Variants in EPC1 observed in about 807,000 individuals in gnomAD.
The protein encoded by EPC1 is enhancer of polycomb homolog 1.
EPC1 carries 12 observed loss-of-function variants against 98.4 expected under a neutral mutation model. The ratio of observed to expected loss-of-function variants is 0.12; its 90% confidence interval spans 0.08 to 0.20. EPC1 has a LOEUF of 0.20. EPC1 is among the 10% of genes least tolerant of loss of function. EPC1 has a pLI of 1.00. For missense variants in EPC1, 729 were observed against 990.5 expected (o/e 0.74, Z 3.54); for synonymous variants, 357 against 363.9 (o/e 0.98, Z 0.21).
intron 1 of EPC1, chr10:32,346,438 C>T (rs1350987525): frequency 2.4e-5 from 6 of 246,780 alleles, no homozygotes; most frequent in African/African-American, 9.2e-5. Context: ...TCCGGATGCA[C>T]AAGGCCCAAC....
Position 32,271,703 on chromosome 10 carries a change from A to T in EPC1, c.2220T>A (p.Val740=), listed in dbSNP as rs375756669. ...TTGGGGCAATAGAGTTTACAGTGGC[A>T]ACTGATGAAGGTACAGTTAATCGAA... is the stretch of plus-strand genomic sequence containing the variant. ...NNIRLTVPSS[V]ATVNSIAPIN... is the part of the protein sequence containing the mutation. The change falls in exon 13 of 14, where the codon GTT becomes GTA. Residue 740 remains valine, a synonymous_variant. Transcript: ENST00000319778. 1.2e-6 allele frequency: 2 copies of T among 1,614,124 alleles called. No individual in the cohort carries two copies. The highest frequency in any genetic ancestry group is 2.7e-5 in the African/African-American group (2 of 74,938).
chr10:32,271,927 A>C lies in EPC1; in HGVS notation c.2006-10T>G. On this transcript the variant is annotated splice_polypyrimidine_tract_variant and intron_variant, in intron 12 of 13. Transcript: ENST00000319778. ...AAGCCCTTGTATACTCCTAGAGAGA[A>C]AAAGAAAGAAACATCTAAACAATGT... 6.2e-7 allele frequency: 1 copy of C among 1,606,264 alleles called. No individual in the cohort carries two copies. Among genetic ancestry groups the C allele is most frequent in the Non-Finnish European group, 8.5e-7 (1 of 1,176,594 alleles).
At chr10:32,331,794 A>G (rs1837656826) in intron 1 of EPC1, among the ~76,000 whole-genome samples, 1 of 152,214 alleles carries the variant, frequency 6.6e-6, no homozygotes, top group Non-Finnish European at 1.5e-5. Flanking sequence ...TTTGATGAGT[A>G]AGTCATCTCA....
At chr10:32,369,561 C>G (rs111786201) in intron 1 of EPC1, among the ~76,000 whole-genome samples, 1 of 152,024 alleles carries the variant, frequency 6.6e-6, no homozygotes, top group Non-Finnish European at 1.5e-5. Flanking sequence ...AGACAACACC[C>G]CAAATTGTTT....
chr10:32,321,448 G>A (rs1383024457), intron 1 of EPC1, among the ~76,000 whole-genome samples: 2 of 151,716 alleles, frequency 1.3e-5, no homozygotes, highest in East Asian at 3.9e-4. Flanking sequence ...CCAAAATCCT[G>A]GACAAGTGAT....
At chr10:32,278,053 C>T (rs137960462) in intron 10 of EPC1, among the ~76,000 whole-genome samples, 9 of 151,966 alleles carry the variant, frequency 5.9e-5, no homozygotes, top group Non-Finnish European at 8.8e-5. Context: ...AACATTCAGC[C>T]GTGAAAGATG....
At position 32,346,872 on chromosome 10, in the gene EPC1, T is replaced by C. The variant is rs942096896; in HGVS notation, c.44A>G (p.Lys15Arg). The change falls in exon 1 of 14, where the codon AAG becomes AGG. Residue 15 changes from lysine (K) to arginine (R), a missense_variant. By Grantham distance (26) the Lys-to-Arg change is conservative (BLOSUM62 2). This residue lies in a region of EPC1 where 46 missense variants were observed against 119.7 expected (regional missense o/e 0.38). Coordinates refer to ENST00000319778, the MANE Select transcript of EPC1 (RefSeq NM_001272004.3). ...SFRARALDAS[K>R]PLPVFRCEDL... ...CTCACAGCGGAAAACCGGCAGCGGCTTCGAGGCGTCTAGCGCCCGCGCCCG... is the reference window on the plus strand; with the variant it reads ...CTCACAGCGGAAAACCGGCAGCGGCCTCGAGGCGTCTAGCGCCCGCGCCCG... 3 of 1,614,024 alleles carry C rather than the reference T, an allele frequency of 1.9e-6. No individual in the cohort carries two copies. Among genetic ancestry groups the C allele is most frequent in the African/African-American group, 2.7e-5 (2 of 74,938 alleles).
At chr10:32,363,444 T>C (rs1839501469) in intron 1 of EPC1, among the ~76,000 whole-genome samples, 1 of 106,876 alleles carries the variant, frequency 9.4e-6, no homozygotes, top group Admixed American at 9.1e-5. Flanking sequence ...CAGTTGCCCC[T>C]GAGTATCCTG....
At chr10:32,272,843 TTAA>T (rs1835905113) in intron 11 of EPC1, among the ~76,000 whole-genome samples, 1 of 152,212 alleles carries the variant, frequency 6.6e-6, no homozygotes, top group Non-Finnish European at 1.5e-5. Context: ...GTTAAAAGCC[TTAA>T]TAATAATTAA....
chr10:32,278,105 G>T (rs1232486977), intron 10 of EPC1, among the ~76,000 whole-genome samples: 2 of 151,798 alleles, frequency 1.3e-5, no homozygotes, highest in Non-Finnish European at 2.9e-5. Flanking sequence ...TTTTTGAGAG[G>T]GAGTCTCGCT....
At chr10:32,278,143 C>T (rs973469878) in intron 10 of EPC1, among the ~76,000 whole-genome samples, 1 of 150,968 alleles carries the variant, frequency 6.6e-6, no homozygotes, top group South Asian at 2.1e-4. Flanking sequence ...CGGGTTCAAG[C>T]GATTCTCCTG....
At chr10:32,376,993 G>A (rs1422767177) in intron 1 of EPC1, 2 of 152,058 alleles carry the variant, frequency 1.3e-5, no homozygotes, top group Non-Finnish European at 2.9e-5. Flanking sequence ...ATGTCAGATC[G>A]TAACACATTT....
chr10:32,378,372 G>A, intron 1 of EPC1: 1 of 735,426 alleles, frequency 1.4e-6, no homozygotes, highest in East Asian at 2.9e-5. Flanking sequence ...AGAACGTGCA[G>A]AGATCAAAGC....
At chr10:32,378,600 C>A in exon 1 of EPC1, 2 of 729,610 alleles carry the variant, frequency 2.7e-6, no homozygotes, top group Non-Finnish European at 4.4e-6. Context: ...ATGGATCTTC[C>A]AACATCTTTA....
intron 1 of EPC1, among the ~76,000 whole-genome samples, chr10:32,354,834 T>C (rs1839224769): frequency 6.6e-6 from 1 of 152,022 alleles, no homozygotes; most frequent in Non-Finnish European, 1.5e-5. Context: ...CCTCAAGCCT[T>C]ATTCTGAGCT....
intron 1 of EPC1, among the ~76,000 whole-genome samples, chr10:32,353,405 G>T (rs961461536): frequency 6.6e-6 from 1 of 152,090 alleles, no homozygotes; most frequent in Non-Finnish European, 1.5e-5. Context: ...TAATTTTAGG[G>T]CTGTCTTTTT....
intron 10 of EPC1, among the ~76,000 whole-genome samples, chr10:32,279,840 A>G (rs1370825932): frequency 6.6e-6 from 1 of 152,186 alleles, no homozygotes; most frequent in African/African-American, 2.4e-5. Flanking sequence ...GTCCAAAATC[A>G]CCTATTAACT....
intron 9 of EPC1, 72 bp downstream of exon 9, chr10:32,286,622 G>T: frequency 1.3e-6 from 2 of 1,548,488 alleles, no homozygotes; most frequent in Non-Finnish European, 1.8e-6. Flanking sequence ...GGGATTACCT[G>T]ACTTTAAAAG....
intron 1 of EPC1, among the ~76,000 whole-genome samples, chr10:32,375,830 T>TGA (rs1431637129): frequency 6.6e-6 from 1 of 152,044 alleles, no homozygotes; most frequent in Non-Finnish European, 1.5e-5. Flanking sequence ...ATCTAGCAAC[T>TGA]GTTACCATGA....
Sources: allele counts gnomAD v4.1 joint callset (sites outside exome capture counted in the v4.1 genomes callset), GRCh38; gene constraint gnomAD v4.1.1; regional missense constraint gnomAD v4.1.1; transcripts MANE v1.5; gene names NCBI Gene and HGNC (gene_info 2026-07-23, HGNC 2026-07-21).